The following CHN1 variants were observed in gnomAD, a reference collection of about 807,000 sequenced individuals.
CHN1 encodes the protein chimerin 1, also known as N-chimaerin.
Under a neutral mutation model 59.5 loss-of-function variants are expected in CHN1, and 37 were observed. The observed-to-expected ratio is 0.62, with a 90% CI of 0.48 to 0.82. The LOEUF is 0.82. CHN1 is among the 40% of genes least tolerant of loss of function. CHN1 has a pLI of 0.00. For synonymous variants in CHN1, 206 were observed against 200.4 expected (o/e 1.03, Z -0.24); for missense variants, 469 against 571.0 (o/e 0.82, Z 1.82).
intron 5 of CHN1, 124 bp downstream of exon 5, chr2:174,914,934 G>T: frequency 3.9e-6 from 2 of 514,392 alleles, no homozygotes; most frequent in East Asian, 6.2e-5. Context: ...CTATTAAAAT[G>T]GTAATTAGAT....
At chr2:174,800,764 G>A (rs1036794608) in intron 12 of CHN1, among the ~76,000 whole-genome samples, 1 of 152,182 alleles carries the variant, frequency 6.6e-6, no homozygotes, top group African/African-American at 2.4e-5. Flanking sequence ...CATCGTCAGG[G>A]AGGGTATGTG....
intron 6 of CHN1, among the ~76,000 whole-genome samples, chr2:174,856,896 C>G (rs1185015571): frequency 6.6e-6 from 1 of 152,126 alleles, no homozygotes; most frequent in Admixed American, 6.6e-5. Context: ...GTAGCTCTGG[C>G]AAATTTACAA....
chr2:174,971,849 A>T (rs758154622), intron 1 of CHN1, among the ~76,000 whole-genome samples: 20 of 152,202 alleles, frequency 1.3e-4, no homozygotes, highest in Non-Finnish European at 2.4e-4. Flanking sequence ...AGGTGACTAC[A>T]TCTAAAATTA....
chr2:174,812,662 G>A (rs940600932), intron 8 of CHN1, among the ~76,000 whole-genome samples, 180 bp from the exon 9 acceptor site: 1 of 152,084 alleles, frequency 6.6e-6, no homozygotes. Context: ...GGAACAATTT[G>A]ATTATAAGCC....
chr2:174,929,481 G>C (rs1354554799), intron 3 of CHN1, among the ~76,000 whole-genome samples: 1 of 152,102 alleles, frequency 6.6e-6, no homozygotes, highest in Non-Finnish European at 1.5e-5. Context: ...GGGAGGCTGA[G>C]GCATAAGAAT....
chr2:174,876,570 T>TA (rs989836267), intron 6 of CHN1, among the ~76,000 whole-genome samples: 26 of 152,246 alleles, frequency 1.7e-4, no homozygotes, highest in African/African-American at 5.8e-4. Context: ...TATGAATATA[T>TA]AAAAAAACAA....
At chr2:174,937,180 C>T (rs1405122732) in intron 3 of CHN1, among the ~76,000 whole-genome samples, 3 of 152,126 alleles carry the variant, frequency 2.0e-5, no homozygotes, top group Non-Finnish European at 4.4e-5. Context: ...CATTTGGTTT[C>T]AAAATGCTAA....
chr2:174,800,165 T>C lies in CHN1; in HGVS notation c.1331A>G (p.Gln444Arg), dbSNP rs1382700293. 4 of 1,556,580 alleles carry C rather than the reference T, an allele frequency of 2.6e-6. No homozygotes were observed. The highest frequency in any genetic ancestry group is 3.5e-6 in the Non-Finnish European group (4 of 1,155,904). The part of the protein sequence containing the change: ...AMAALNDIRY[Q>R]RLVVELLIKN... Reference sequence around the variant, plus strand: ...GATAAGCAGCTCCACCACCAGTCTCTGATACCGTATATCATTCAATGCAGC... The same window carrying C: ...GATAAGCAGCTCCACCACCAGTCTCCGATACCGTATATCATTCAATGCAGC... The change falls in exon 13 of 13, where the codon CAG becomes CGG. Residue 444 changes from glutamine (Q) to arginine (R), a missense_variant. Coordinates refer to ENST00000409900, the MANE Select transcript of CHN1 (RefSeq NM_001822.7).
chr2:175,003,541 T>C (rs552038499), intron 1 of CHN1, among the ~76,000 whole-genome samples: 4 of 152,282 alleles, frequency 2.6e-5, no homozygotes, highest in African/African-American at 7.2e-5. Context: ...CAAATATCTC[T>C]TTAGGAAAGA....
intron 5 of CHN1, among the ~76,000 whole-genome samples, chr2:174,878,369 AT>A (rs750192794): frequency 2.6e-5 from 4 of 152,080 alleles, no homozygotes; most frequent in African/African-American, 4.8e-5. Flanking sequence ...CATAGAAATA[AT>A]TTTTTTTATT....
At chr2:174,944,414 T>G (rs34912091) in intron 3 of CHN1, among the ~76,000 whole-genome samples, 2 of 152,228 alleles carry the variant, frequency 1.3e-5, no homozygotes, top group Admixed American at 1.3e-4. Context: ...TGTATTTTAA[T>G]TGGCATTTCT....
At chr2:174,934,669 A>T (rs1006512192) in intron 3 of CHN1, among the ~76,000 whole-genome samples, 7 of 152,176 alleles carry the variant, frequency 4.6e-5, no homozygotes, top group African/African-American at 1.7e-4. Context: ...CTCCAGCCAT[A>T]CTGTTACTTG....
chr2:174,926,171 T>C (rs1689159108), intron 3 of CHN1, among the ~76,000 whole-genome samples: 2 of 152,152 alleles, frequency 1.3e-5, no homozygotes, highest in Non-Finnish European at 1.5e-5. Context: ...TAACATTTAC[T>C]GTGCAGTTTT....
chr2:174,830,966 T>C (rs893394008), intron 7 of CHN1, among the ~76,000 whole-genome samples: 2 of 152,112 alleles, frequency 1.3e-5, no homozygotes, highest in Non-Finnish European at 2.9e-5. Flanking sequence ...AGAAATACCA[T>C]AAAAGCCTAC....
At chr2:174,827,435 A>AGGCATGAGAGAAACAATGT (rs1396312969) in intron 7 of CHN1, among the ~76,000 whole-genome samples, 3 of 152,202 alleles carry the variant, frequency 2.0e-5, no homozygotes, top group Non-Finnish European at 4.4e-5. Context: ...CAAAGACACG[A>AGGCATGAGAGAAACAATGT]GGCATGAGAG....
At chr2:174,847,906 G>C (rs192407987) in intron 6 of CHN1, among the ~76,000 whole-genome samples, 2 of 151,874 alleles carry the variant, frequency 1.3e-5, no homozygotes, top group East Asian at 3.9e-4. Flanking sequence ...ACAGCACTAG[G>C]TTTTAAAAAT....
intron 7 of CHN1, among the ~76,000 whole-genome samples, chr2:174,828,562 T>C (rs1685769668): frequency 6.6e-6 from 1 of 152,258 alleles, no homozygotes; most frequent in Non-Finnish European, 1.5e-5. Context: ...TGCTGTTTCC[T>C]ATAGATAATT....
chr2:174,944,919 G>C lies in CHN1; in HGVS notation c.83C>G (p.Pro28Arg), dbSNP rs1689780912. 6.3e-7 allele frequency: 1 copy of C among 1,580,788 alleles called. No homozygotes were observed. Among genetic ancestry groups the C allele is most frequent in the Middle Eastern group, 1.7e-4 (1 of 6,026 alleles). ...SYLYQLQQEA[P>R]HPRRITCTCE... ...AGTACAGGTAATTCTTCGAGGATGAGGGGCTTCCTGTTGTAGCTGATATAC... is the reference window on the plus strand; with the variant it reads ...AGTACAGGTAATTCTTCGAGGATGACGGGCTTCCTGTTGTAGCTGATATAC... The change falls in exon 3 of 13, where the codon CCT (proline) becomes CGT (arginine). Residue 28 changes from proline (P) to arginine (R), a missense_variant. Pro to Arg is a moderately radical substitution (Grantham distance 103). Around this residue, in one of 5 missense-constraint regions of CHN1, gnomAD observed 152 missense variants for 166.1 expected, o/e 0.92. Coordinates refer to ENST00000409900, the MANE Select transcript of CHN1 (RefSeq NM_001822.7).
chr2:174,997,064 T>C (rs938577955), intron 1 of CHN1, among the ~76,000 whole-genome samples: 1 of 152,202 alleles, frequency 6.6e-6, no homozygotes, highest in African/African-American at 2.4e-5. Flanking sequence ...CTCCCTCCAC[T>C]GCAAATATAA....
Sources: gnomAD v4.1 joint callset for allele counts (sites outside exome capture counted in the v4.1 genomes callset) on GRCh38, gnomAD v4.1.1 for gene constraint, gnomAD v4.1.1 regional missense constraint, MANE v1.5 for transcripts, NCBI Gene and HGNC (gene_info 2026-07-23, HGNC 2026-07-21) for gene names.